EPHA4: variants seen among roughly 807,000 people sequenced by gnomAD.
The protein encoded by EPHA4 is EPH receptor A4, also known as ephrin type-A receptor 4.
Under a neutral mutation model 108.3 loss-of-function variants are expected in EPHA4, and 19 were observed. That is an observed-to-expected ratio of 0.18 (90% CI 0.12 to 0.26). The LOEUF (loss-of-function observed/expected upper bound fraction) is 0.26. Ranked by LOEUF, EPHA4 falls within the 10% of genes least tolerant of loss-of-function variation. EPHA4 has a pLI of 1.00. For synonymous variants in EPHA4, 449 were observed against 455.5 expected (o/e 0.99, Z 0.18); for missense variants, 917 against 1,254.0 (o/e 0.73, Z 4.06).
At chr2:221,549,142 A>G (rs540292294) in intron 3 of EPHA4, among the ~76,000 whole-genome samples, 13 of 152,266 alleles carry the variant, frequency 8.5e-5, no homozygotes, top group Admixed American at 2.6e-4. Context: ...GCCAATGTGA[A>G]CACATCCAAA....
intron 1 of EPHA4, among the ~76,000 whole-genome samples, chr2:221,569,163 G>C (rs1479884525): frequency 6.6e-6 from 1 of 152,038 alleles, no homozygotes; most frequent in East Asian, 1.9e-4. Flanking sequence ...AGAATTATTT[G>C]TTTTTGCAAG....
intron 6 of EPHA4, 23 bp downstream of exon 6, chr2:221,457,843 A>T: frequency 6.2e-7 from 1 of 1,608,822 alleles, no homozygotes; most frequent in Non-Finnish European, 8.5e-7. Context: ...AAAGGAAAGG[A>T]GTGTTGTTCA....
chr2:221,431,315 T>A (rs1241433326), intron 14 of EPHA4, among the ~76,000 whole-genome samples: 1 of 152,246 alleles, frequency 6.6e-6, no homozygotes, highest in African/African-American at 2.4e-5. Context: ...ATGACTTCAC[T>A]GGACTCACCC....
chr2:221,510,163 A>G (rs1277942021), intron 3 of EPHA4, among the ~76,000 whole-genome samples: 1 of 152,236 alleles, frequency 6.6e-6, no homozygotes, highest in Non-Finnish European at 1.5e-5. Flanking sequence ...AAGATTGGAT[A>G]TAATTTCTAA....
Position 221,571,711 on chromosome 2 carries a change from A to G in EPHA4, c.91+447T>C, listed in dbSNP as rs1294544356. Among the ~76,000 whole-genome samples, 1 of 152,294 alleles carries G rather than the reference A, an allele frequency of 6.6e-6. No homozygotes were observed. Among genetic ancestry groups the G allele is most frequent in the Admixed American group, 6.5e-5 (1 of 15,300 alleles). On this transcript the variant is annotated intron_variant, in intron 1 of 17. Transcript: ENST00000281821. This position sits in a 1 kb window ranked among gnomAD's most constrained non-coding sequence, Gnocchi z 6.3. ...AAGCGCAGGGCTCGGGAAACTTTGC[A>G]GAAACCAGAGCTCGAAAGGCTTTCG... is the stretch of plus-strand genomic sequence containing the variant.
At chr2:221,452,774 C>T (rs977082043) in intron 8 of EPHA4, among the ~76,000 whole-genome samples, 3 of 151,984 alleles carry the variant, frequency 2.0e-5, no homozygotes, top group African/African-American at 7.3e-5. Context: ...AGGCTCAATT[C>T]TCTAAGGTGG....
At chr2:221,431,010 C>G (rs1195754889) in intron 14 of EPHA4, among the ~76,000 whole-genome samples, 1 of 152,148 alleles carries the variant, frequency 6.6e-6, no homozygotes, top group Non-Finnish European at 1.5e-5. Context: ...TCTAATCTGT[C>G]TTCACAGGCA....
intron 3 of EPHA4, among the ~76,000 whole-genome samples, chr2:221,522,924 T>G (rs891669177): frequency 2.6e-5 from 4 of 151,812 alleles, no homozygotes; most frequent in East Asian, 3.9e-4. Flanking sequence ...CGTGCCACCA[T>G]CCACCTAATT....
chr2:221,429,102 G>A (rs1196000891), intron 15 of EPHA4, among the ~76,000 whole-genome samples: 1 of 152,120 alleles, frequency 6.6e-6, no homozygotes, highest in Non-Finnish European at 1.5e-5. Context: ...ATGAGTGAGT[G>A]TCTCACCTCT....
chr2:221,568,879 G>T, intron 1 of EPHA4, 94 bp from the exon 2 acceptor site: 3 of 1,001,488 alleles, frequency 3.0e-6, no homozygotes, highest in Non-Finnish European at 4.5e-6. Flanking sequence ...ATGTGCTGAG[G>T]CTGTGCATAT....
At position 221,425,980 on chromosome 2, in the gene EPHA4, G is replaced by A; in HGVS notation, c.*48C>T. The A allele has an allele frequency of 6.7e-7, 1 of 1,487,870 alleles. No individual in the cohort carries two copies. The highest frequency in any genetic ancestry group is 9.4e-7 in the Non-Finnish European group (1 of 1,066,076). 92.2% of individuals were successfully genotyped at this position (1,487,870 alleles called of 1,614,324 possible). The stretch of plus-strand genomic sequence containing the variant: ...GTGCAGTTCTTCAATTAAAGTGCAT[G>A]GATGAGGTAAACTAATTTCAAGAGT... On this transcript the variant is annotated 3_prime_UTR_variant, in exon 17 of 18. Coordinates refer to ENST00000281821, the MANE Select transcript of EPHA4 (RefSeq NM_004438.5).
chr2:221,533,708 A>C (rs1473232565), intron 3 of EPHA4, among the ~76,000 whole-genome samples: 1 of 121,438 alleles, frequency 8.2e-6, no homozygotes, highest in South Asian at 2.7e-4. Flanking sequence ...CCTGACTGTT[A>C]ATTTTGTGAC....
intron 14 of EPHA4, 125 bp downstream of exon 14, chr2:221,434,017 T>G (rs1247275825): frequency 1.1e-6 from 1 of 895,686 alleles, no homozygotes; most frequent in African/African-American, 1.7e-5. Context: ...TTGCTAGATA[T>G]ATCTGTATTA....
intron 5 of EPHA4, among the ~76,000 whole-genome samples, chr2:221,477,107 A>G (rs1691677185): frequency 6.6e-6 from 1 of 152,046 alleles, no homozygotes; most frequent in Admixed American, 6.5e-5. Context: ...CCAACCCTAG[A>G]GAACAAGGTC....
chr2:221,479,051 C>T (rs1056189478), intron 5 of EPHA4, among the ~76,000 whole-genome samples: 2 of 152,318 alleles, frequency 1.3e-5, no homozygotes, highest in South Asian at 2.1e-4. Flanking sequence ...AACACAGGCC[C>T]ATTCACACCA....
Position 221,500,949 on chromosome 2 carries a change from C to A in EPHA4, c.979+68G>T, listed in dbSNP as rs904622349. 2.1e-6 allele frequency: 3 copies of A among 1,450,524 alleles called. No homozygotes were observed. The African/African-American group carries it at 4.3e-5, about 21-fold the overall frequency. The allele number at this position is 1,450,524 out of a possible 1,614,324, so 89.9% of individuals were successfully genotyped here. A position where few individuals can be genotyped will look rare whatever the true frequency, so the allele number is the denominator to read the frequency against. On this transcript the variant is annotated intron_variant, in intron 4 of 17. Coordinates refer to ENST00000281821, the MANE Select transcript of EPHA4 (RefSeq NM_004438.5). ...ATGATTATCCCAGGAGAAGACCTGG[C>A]AGTGCCTTGCTAGGTGGTAATGAAA...
At chr2:221,499,756 A>ATATATATT (rs1334015871) in intron 4 of EPHA4, among the ~76,000 whole-genome samples, 4 of 26,218 alleles carry the variant, frequency 1.5e-4, no homozygotes, top group Non-Finnish European at 2.5e-4. Context: ...ATATATATAT[A>ATATATATT]TTTTTTTTTT....
At chr2:221,519,268 A>G (rs1473194792) in intron 3 of EPHA4, among the ~76,000 whole-genome samples, 1 of 152,184 alleles carries the variant, frequency 6.6e-6, no homozygotes, top group African/African-American at 2.4e-5. Context: ...AACATCGTCT[A>G]TAGGAAATCT....
At chr2:221,567,848 A>T (rs1279249371) in intron 2 of EPHA4, among the ~76,000 whole-genome samples, 2 of 152,226 alleles carry the variant, frequency 1.3e-5, no homozygotes, top group Non-Finnish European at 2.9e-5. Context: ...CAATGGACTC[A>T]GCCATAAACT....
Sources: gnomAD v4.1 joint callset for allele counts (sites outside exome capture counted in the v4.1 genomes callset) on GRCh38, gnomAD v4.1.1 for gene constraint, Gnocchi (gnomAD v3.1) non-coding constraint, MANE v1.5 for transcripts, NCBI Gene and HGNC (gene_info 2026-07-23, HGNC 2026-07-21) for gene names.